Variants in PPFIA1 observed in about 807,000 individuals in gnomAD.
PPFIA1 encodes the protein PPFI scaffold protein A1.
A neutral mutation model predicts 149.9 loss-of-function variants in PPFIA1; 25 were observed. The observed-to-expected ratio is 0.17, with a 90% CI of 0.12 to 0.23. The LOEUF (loss-of-function observed/expected upper bound fraction) is 0.23, where lower values mean the gene tolerates loss of function less well. PPFIA1 is among the 10% of genes least tolerant of loss of function. The probability of loss-of-function intolerance (pLI) is 1.00; values close to 1 mark genes in which losing one functional copy is unlikely to be tolerated. For synonymous variants in PPFIA1, 549 were observed against 552.8 expected (o/e 0.99, Z 0.10); for missense variants, 1,362 against 1,506.5 (o/e 0.90, Z 1.59).
chr11:70,352,775 G>A (rs1221541034), intron 16 of PPFIA1, among the ~76,000 whole-genome samples: 4 of 143,662 alleles, frequency 2.8e-5, no homozygotes, highest in Admixed American at 6.9e-5. Flanking sequence ...TGGAGGTGTC[G>A]GAGGGCGGCG....
intron 2 of PPFIA1, among the ~76,000 whole-genome samples, chr11:70,282,065 A>T (rs915407221): frequency 2.0e-5 from 3 of 151,010 alleles, no homozygotes; most frequent in African/African-American, 7.3e-5. Flanking sequence ...GCTTCTCATG[A>T]CATTGTCCAG....
chr11:70,321,909 G>C (rs1468506357), intron 2 of PPFIA1, among the ~76,000 whole-genome samples: 4 of 152,136 alleles, frequency 2.6e-5, no homozygotes, highest in Non-Finnish European at 5.9e-5. Flanking sequence ...CGCTCTTGTT[G>C]CCCAGGCTGG....
intron 16 of PPFIA1, chr11:70,350,020 A>C (rs925526047): frequency 2.2e-6 from 1 of 448,772 alleles, no homozygotes; most frequent in Non-Finnish European, 4.5e-6. Context: ...TGCTATAGCG[A>C]TTCTTCACAG....
chr11:70,318,199 C>G (rs538234354), intron 2 of PPFIA1, among the ~76,000 whole-genome samples: 1 of 152,192 alleles, frequency 6.6e-6, no homozygotes, highest in Admixed American at 6.5e-5. Flanking sequence ...GCTGCCTACC[C>G]GTCCTCTCTT....
At chr11:70,368,862 A>C (rs182203109) in intron 21 of PPFIA1, among the ~76,000 whole-genome samples, 364 of 151,858 alleles carry the variant, frequency 2.4e-3, no homozygotes, top group African/African-American at 8.2e-3. Flanking sequence ...GACCTCTTAC[A>C]GTGACTGGGA....
At chr11:70,280,625 G>A (rs913731251) in intron 2 of PPFIA1, among the ~76,000 whole-genome samples, 3 of 152,272 alleles carry the variant, frequency 2.0e-5, no homozygotes, top group Middle Eastern at 3.4e-3. Flanking sequence ...GTGCAGTGGC[G>A]CGCGTGATCA....
rs749436919 is a variant in PPFIA1 at position 70,349,135 on chromosome 11, C to CAA, written c.2163+736_2163+737dup. ...AACCAGCTTCCTGGGCATCTACTAC[C>CAA]AAAAAAAAAAAAAAAAAAAAAAGGA... On this transcript the variant is annotated intron_variant, in intron 16 of 27. Transcript: ENST00000253925. Among the ~76,000 whole-genome samples, 366 of 74,470 alleles carry CAA rather than the reference C, an allele frequency of 4.9e-3. 7 individuals carry two copies. The highest frequency in any genetic ancestry group is 0.016 in the African/African-American group (322 of 19,750). The allele number at this position is 74,470 out of a possible 152,430, so 48.9% of individuals were successfully genotyped here.
At chr11:70,349,124 G>A (rs1330392506) in intron 16 of PPFIA1, among the ~76,000 whole-genome samples, 1 of 138,638 alleles carries the variant, frequency 7.2e-6, no homozygotes, top group Non-Finnish European at 1.5e-5. Context: ...AGCTTCCTGG[G>A]CATCTACTAC....
At chr11:70,349,620 C>A (rs1372730178) in intron 16 of PPFIA1, among the ~76,000 whole-genome samples, 1 of 152,076 alleles carries the variant, frequency 6.6e-6, no homozygotes, top group Non-Finnish European at 1.5e-5. Flanking sequence ...TGTTGTTAGC[C>A]AGCATGCAAT....
At chr11:70,298,457 G>A (rs2052241420) in intron 2 of PPFIA1, among the ~76,000 whole-genome samples, 2 of 152,158 alleles carry the variant, frequency 1.3e-5, no homozygotes, top group Admixed American at 1.3e-4. Context: ...ATAGGGTCTG[G>A]GTGCTTTTCA....
intron 19 of PPFIA1, among the ~76,000 whole-genome samples, chr11:70,356,886 C>G (rs2056388715): frequency 6.6e-6 from 1 of 152,166 alleles, no homozygotes; most frequent in South Asian, 2.1e-4. Context: ...AGCTTTAATT[C>G]TAAACTAAGT....
In PPFIA1 at chr11:70,287,552, A is replaced by G. The variant is rs975456317; in HGVS notation, c.264+15116A>G. 2.6e-5 allele frequency among the ~76,000 whole-genome samples: 4 copies of G among 151,246 alleles called. No homozygotes were observed. The East Asian group carries it at 5.9e-4, about 22-fold the overall frequency. On this transcript the variant is annotated intron_variant, in intron 2 of 27. Transcript: ENST00000253925. ...TTTATGTTACCCAGGCTGGTCTCCA[A>G]TCCTGGTCTCAAGTAATCCTCCTGC...
intron 2 of PPFIA1, among the ~76,000 whole-genome samples, chr11:70,312,401 G>A (rs2053342036): frequency 6.6e-6 from 1 of 152,042 alleles, no homozygotes; most frequent in Non-Finnish European, 1.5e-5. Flanking sequence ...ATGTTGCTTG[G>A]GTTGGTCTCA....
intron 8 of PPFIA1, among the ~76,000 whole-genome samples, chr11:70,331,060 C>T (rs190171213): frequency 1.3e-5 from 2 of 152,064 alleles, no homozygotes; most frequent in Admixed American, 1.3e-4. Context: ...GGTGAAACTG[C>T]GTCTCTACTA....
At chr11:70,375,251 C>CTT (rs1851649779) in intron 24 of PPFIA1, 158 bp downstream of exon 24, 1 of 404,952 alleles carries the variant, frequency 2.5e-6, no homozygotes, top group Admixed American at 6.9e-5. Context: ...GGTCTATTGG[C>CTT]TTTCCCTTTT....
intron 2 of PPFIA1, among the ~76,000 whole-genome samples, chr11:70,286,224 G>A (rs994501515): frequency 2.6e-5 from 4 of 152,232 alleles, no homozygotes; most frequent in Admixed American, 1.3e-4. Context: ...TCCTGTGAAC[G>A]GTAGTTTTCT....
chr11:70,331,899 T>C (rs1407708096), intron 8 of PPFIA1, 61 bp from the exon 9 acceptor site: 4 of 1,520,320 alleles, frequency 2.6e-6, no homozygotes, highest in Non-Finnish European at 3.5e-6. Context: ...TGTTTCAATC[T>C]GTTAAAAACT....
intron 13 of PPFIA1, 109 bp downstream of exon 13, chr11:70,338,562 C>T: frequency 1.2e-6 from 1 of 818,818 alleles, no homozygotes; most frequent in Non-Finnish European, 2.0e-6. Context: ...CCTCAAGGAG[C>T]CTGTAGCTTA....
intron 2 of PPFIA1, among the ~76,000 whole-genome samples, chr11:70,272,993 T>TTA (rs1472407565): frequency 6.6e-6 from 1 of 152,232 alleles, no homozygotes; most frequent in East Asian, 1.9e-4. Flanking sequence ...ATTTTAAAGC[T>TTA]TAGGCCGGGT....
Sources: gnomAD v4.1 joint callset for allele counts (sites outside exome capture counted in the v4.1 genomes callset) on GRCh38, gnomAD v4.1.1 for gene constraint, MANE v1.5 for transcripts, NCBI Gene and HGNC (gene_info 2026-07-23, HGNC 2026-07-21) for gene names.